Variants in B3GAT1 observed in about 807,000 individuals in gnomAD.
The protein encoded by B3GAT1 is beta-1,3-glucuronyltransferase 1.
A neutral mutation model predicts 28.4 loss-of-function variants in B3GAT1; 11 were observed. The observed-to-expected ratio is 0.39, with a 90% CI of 0.24 to 0.64. B3GAT1 has a LOEUF of 0.64. B3GAT1 is among the 30% of genes least tolerant of loss of function. The pLI, the probability that B3GAT1 is intolerant of heterozygous loss-of-function variation, is 0.50. For missense variants in B3GAT1, 375 were observed against 491.0 expected (o/e 0.76, Z 2.23); for synonymous variants, 255 against 223.1 (o/e 1.14, Z -1.27).
At chr11:134,401,494 T>C (rs1944612587) in intron 1 of B3GAT1, among the ~76,000 whole-genome samples, 1 of 151,936 alleles carries the variant, frequency 6.6e-6, no homozygotes, top group African/African-American at 2.4e-5. Flanking sequence ...GAAAACCAAA[T>C]ACTGCTCACT....
At chr11:134,403,517 T>G (rs559683416) in intron 1 of B3GAT1, among the ~76,000 whole-genome samples, 50 of 152,264 alleles carry the variant, frequency 3.3e-4, no homozygotes, top group African/African-American at 1.1e-3. Flanking sequence ...CCAGGTAGAA[T>G]GGGGTGCCTC....
Position 134,387,626 on chromosome 11 carries a change from G to A in B3GAT1, c.34C>T (p.Leu12Phe). ...AGCAGAGTCCAGGGCAGCACGATGAGGACGATCGCTAGGATGTCCCGTCTC... is the reference window on the plus strand; with the variant it reads ...AGCAGAGTCCAGGGCAGCACGATGAAGACGATCGCTAGGATGTCCCGTCTC... The part of the protein sequence containing the change: ...PKRRDILAIV[L>F]IVLPWTLLIT... Residue 12 changes from leucine (L) to phenylalanine (F), a missense_variant, in exon 2 of 6, where the codon CTC (leucine) becomes TTC (phenylalanine). Coordinates refer to ENST00000312527, the MANE Select transcript of B3GAT1 (RefSeq NM_054025.3). 1.2e-6 allele frequency: 2 copies of A among 1,614,148 alleles called. No homozygotes were observed. Among genetic ancestry groups the A allele is most frequent in the Non-Finnish European group, 1.7e-6 (2 of 1,180,030 alleles).
At position 134,378,841 on chromosome 11, in the gene B3GAT1, A is replaced by G. The variant is rs1485685177; in HGVS notation, c.*1921T>C. On this transcript the variant is annotated 3_prime_UTR_variant, in exon 6 of 6. Coordinates refer to ENST00000312527, the MANE Select transcript of B3GAT1 (RefSeq NM_054025.3). ...GATATTAGGTGAAAACAACTGACCT[A>G]GCATCTGCCCAAAGAAGTCCCCATT... The G allele has an allele frequency of 6.6e-6, 1 of 152,262 alleles. No individual in the cohort carries two copies. Among genetic ancestry groups the G allele is most frequent in the East Asian group, 1.9e-4 (1 of 5,196 alleles). The allele number at this position is 152,262 out of a possible 1,614,324, so 9.4% of individuals were successfully genotyped here. A position where few individuals can be genotyped will look rare whatever the true frequency, so the allele number is the denominator to read the frequency against.
intron 1 of B3GAT1, chr11:134,390,220 G>A (rs368607705): frequency 1.3e-5 from 2 of 152,412 alleles, no homozygotes; most frequent in African/African-American, 4.8e-5. Flanking sequence ...AGATGCAAGT[G>A]ACTTCATGCC....
chr11:134,404,318 G>C (rs143659730), intron 1 of B3GAT1, among the ~76,000 whole-genome samples: 87 of 152,082 alleles, frequency 5.7e-4, no homozygotes, highest in Non-Finnish European at 5.9e-4. Context: ...ATGGTTTCCA[G>C]AATGGGTACA....
rs189965506 is a variant in B3GAT1 at position 134,403,521 on chromosome 11, G to C, written c.-282+8286C>G. Among the ~76,000 whole-genome samples the C allele has an allele frequency of 1.5e-3, 221 of 152,288 alleles. 1 individual carries two copies. Among genetic ancestry groups the C allele is most frequent in the African/African-American group, 5.0e-3 (209 of 41,574 alleles). Reference sequence around the variant, plus strand: ...CAGACCAGATGCCAGGTAGAATGGGGTGCCTCCTTCTTGATGCTCCCATGA... The same window carrying C: ...CAGACCAGATGCCAGGTAGAATGGGCTGCCTCCTTCTTGATGCTCCCATGA... On this transcript the variant is annotated intron_variant, in intron 1 of 5. Coordinates refer to ENST00000312527, the MANE Select transcript of B3GAT1 (RefSeq NM_054025.3).
At chr11:134,389,776 C>T (rs1017142199) in intron 1 of B3GAT1, 3 of 152,372 alleles carry the variant, frequency 2.0e-5, no homozygotes, top group Admixed American at 6.5e-5. Context: ...CAGGCAGAGT[C>T]GAGTGCTATG....
At chr11:134,404,070 G>A (rs1485957424) in intron 1 of B3GAT1, among the ~76,000 whole-genome samples, 6 of 142,750 alleles carry the variant, frequency 4.2e-5, no homozygotes, top group Non-Finnish European at 7.5e-5. Context: ...TGCACAATGT[G>A]CAGGTTTGTT....
At chr11:134,396,732 G>C (rs1304367219) in intron 1 of B3GAT1, among the ~76,000 whole-genome samples, 1 of 152,156 alleles carries the variant, frequency 6.6e-6, no homozygotes. Context: ...GGGTCTGCTC[G>C]GCCTGGCTTC....
intron 1 of B3GAT1, among the ~76,000 whole-genome samples, chr11:134,405,953 G>A (rs1265767528): frequency 6.6e-6 from 1 of 152,188 alleles, no homozygotes; most frequent in Non-Finnish European, 1.5e-5. Context: ...TCTGGCCTCC[G>A]GCTTGGGTCG....
rs1479794133 is a variant in B3GAT1 at position 134,393,629 on chromosome 11, T to C, written c.-281-5689A>G. 6.6e-6 allele frequency among the ~76,000 whole-genome samples: 1 copy of C among 152,216 alleles called. No individual in the cohort carries two copies. The highest frequency in any genetic ancestry group is 1.5e-5 in the Non-Finnish European group (1 of 68,032). Reference sequence around the variant, plus strand: ...AAACAACACATTTACTTCAACACGCTATTTCAACAGTTTACATGACATTCT... The same window carrying C: ...AAACAACACATTTACTTCAACACGCCATTTCAACAGTTTACATGACATTCT... On this transcript the variant is annotated intron_variant, in intron 1 of 5. Coordinates refer to ENST00000312527, the MANE Select transcript of B3GAT1 (RefSeq NM_054025.3). This position sits in a 1 kb window ranked among gnomAD's most constrained non-coding sequence, Gnocchi z 4.0.
In B3GAT1 at chr11:134,412,003, G is replaced by GC. The variant is rs1401554435; in HGVS notation, c.-479dup. On this transcript the variant is annotated 5_prime_UTR_variant, in exon 1 of 6. Coordinates refer to ENST00000312527, the MANE Select transcript of B3GAT1 (RefSeq NM_054025.3). ...CCCGCCCGCCCCGCCCGGCCCCGCC[G>GC]CCCCGGCCCGGCTCGTTCTGGGCTC... 1 of 136,826 alleles carries GC rather than the reference G, an allele frequency of 7.3e-6. No homozygotes were observed. The highest frequency in any genetic ancestry group is 1.6e-5 in the Non-Finnish European group (1 of 61,630). The allele number at this position is 136,826 out of a possible 1,614,324, so 8.5% of individuals were successfully genotyped here.
chr11:134,381,837 C>G, intron 5 of B3GAT1, 87 bp downstream of exon 5: 1 of 1,117,146 alleles, frequency 9.0e-7, no homozygotes, highest in South Asian at 1.3e-5. Flanking sequence ...ACAGTGAAAG[C>G]CCAAGAGGAA....
At chr11:134,382,650 G>C in intron 4 of B3GAT1, 60 bp downstream of exon 4, 1 of 1,560,238 alleles carries the variant, frequency 6.4e-7, no homozygotes, top group Non-Finnish European at 8.7e-7. Flanking sequence ...GATCTGTAGG[G>C]AGGGTCTGGA....
intron 1 of B3GAT1, among the ~76,000 whole-genome samples, chr11:134,410,879 A>G (rs1028355980): frequency 2.0e-5 from 3 of 152,204 alleles, no homozygotes; most frequent in Admixed American, 6.5e-5. Flanking sequence ...CCCATTGGGC[A>G]CCCCACCTAT....
intron 1 of B3GAT1, among the ~76,000 whole-genome samples, chr11:134,404,027 A>ATATATATATATATATT (rs1555098477): frequency 9.4e-6 from 1 of 106,760 alleles, no homozygotes; most frequent in Non-Finnish European, 1.9e-5. Flanking sequence ...ATATATATAT[A>ATATATATATATATATT]TATTTATTAT....
intron 1 of B3GAT1, among the ~76,000 whole-genome samples, chr11:134,402,332 C>T (rs949317585): frequency 3.9e-5 from 6 of 152,118 alleles, no homozygotes; most frequent in South Asian, 4.2e-4. Flanking sequence ...CAGGAAGGAC[C>T]GGTGATTTCA....
At chr11:134,404,707 G>A (rs1209908934) in intron 1 of B3GAT1, among the ~76,000 whole-genome samples, 1 of 152,236 alleles carries the variant, frequency 6.6e-6, no homozygotes, top group Non-Finnish European at 1.5e-5. Flanking sequence ...CCCACTGACA[G>A]CCTGCAACCG....
Position 134,384,130 on chromosome 11 carries a change from G to GCCCTC in B3GAT1, c.170_171insGAGGG (p.Cys57TrpfsTer35), listed in dbSNP as rs1456299302. 6.3e-7 allele frequency: 1 copy of GCCCTC among 1,581,124 alleles called. No homozygotes were observed. Among genetic ancestry groups the GCCCTC allele is most frequent in the Admixed American group, 1.7e-5 (1 of 59,438 alleles). Reference sequence around the variant, plus strand: ...CCTCCACGATGTCGCGGTCAGACGTGCAGTACTCCCTGGGGTCGGCGCCGG... The same window carrying GCCCTC: ...CCTCCACGATGTCGCGGTCAGACGTGCCCTCCAGTACTCCCTGGGGTCGGCGCCGG... On this transcript the variant is annotated frameshift_variant, in exon 3 of 6. Transcript: ENST00000312527. LOFTEE classifies it high-confidence loss of function.
Sources: allele counts gnomAD v4.1 joint callset (sites outside exome capture counted in the v4.1 genomes callset), GRCh38; gene constraint gnomAD v4.1.1; non-coding constraint Gnocchi (gnomAD v3.1); transcripts MANE v1.5; gene names NCBI Gene and HGNC (gene_info 2026-07-23, HGNC 2026-07-21).